The following ZNF518A variants were observed in gnomAD, a reference collection of about 807,000 sequenced individuals.
ZNF518A encodes zinc finger protein 518.
A neutral mutation model predicts 102.7 loss-of-function variants in ZNF518A; 47 were observed. The observed-to-expected ratio is 0.46, with a 90% CI of 0.36 to 0.58. The LOEUF (loss-of-function observed/expected upper bound fraction) is 0.58, where lower values mean the gene tolerates loss of function less well. ZNF518A is among the 20% of genes least tolerant of loss of function. ZNF518A has a pLI of 0.00. For missense variants in ZNF518A, 1,793 were observed against 1,699.8 expected, an observed-to-expected ratio of 1.05 and a Z score of -0.96; for synonymous variants, 652 against 594.6, an observed-to-expected ratio of 1.10 and a Z score of -1.40.
chr10:96,130,479 C>G lies in ZNF518A; in HGVS notation c.-726C>G, dbSNP rs1429656389. ...AGGAGACGGTGTGCCTCCGCGCTCC[C>G]CGCGGGGCAGCCGAACCCCGGAGGA... On this transcript the variant is annotated 5_prime_UTR_variant, in exon 1 of 6. Transcript: ENST00000316045. Among the ~76,000 whole-genome samples, 2 of 152,362 alleles carry G rather than the reference C, an allele frequency of 1.3e-5. No homozygotes were observed. Among genetic ancestry groups the G allele is most frequent in the African/African-American group, 4.8e-5 (2 of 41,590 alleles).
chr10:96,197,093 A>T (rs782018939), intron 1 of ZNF518A: 5 of 1,565,150 alleles, frequency 3.2e-6, no homozygotes, highest in South Asian at 1.1e-5. Flanking sequence ...AAACATAATT[A>T]TGGTTAGTAT....
intron 1 of ZNF518A, chr10:96,197,085 A>G (rs1591292879): frequency 6.3e-7 from 1 of 1,592,844 alleles, no homozygotes; most frequent in Non-Finnish European, 8.6e-7. Flanking sequence ...TTTTTAAAAA[A>G]CATAATTATG....
chr10:96,136,084 T>C (rs2081581782), intron 3 of ZNF518A, among the ~76,000 whole-genome samples: 1 of 152,048 alleles, frequency 6.6e-6, no homozygotes, highest in Non-Finnish European at 1.5e-5. Context: ...GAAAATAAGG[T>C]GACTGTTTTA....
rs2082965423 is a variant in ZNF518A, at chr10:96,160,732, A to G, written c.4410A>G (p.Arg1470=). Residue 1470 remains arginine, a synonymous_variant, in exon 6 of 6, where the codon AGA becomes AGG. Transcript: ENST00000316045. ...ATACTTGGGCTGGTCATGGGCAGAG[A>G]CATTTAATGGAAGCTACTCGGGATT... The part of the protein sequence containing the change: ...NQDTWAGHGQ[R]HLMEATRDWN... The G allele has an allele frequency of 1.2e-6, 2 of 1,603,096 alleles. No homozygotes were observed. Among genetic ancestry groups the G allele is most frequent in the African/African-American group, 1.3e-5 (1 of 74,268 alleles).
intron 1 of ZNF518A, among the ~76,000 whole-genome samples, chr10:96,176,464 A>C (rs1591275682): frequency 6.6e-6 from 1 of 152,336 alleles, no homozygotes; most frequent in South Asian, 2.1e-4. Flanking sequence ...CATGAAGAAA[A>C]CCATCCCAAA....
intron 1 of ZNF518A, among the ~76,000 whole-genome samples, chr10:96,201,899 T>A (rs969490240): frequency 4.6e-5 from 7 of 152,000 alleles, no homozygotes; most frequent in Non-Finnish European, 8.8e-5. Context: ...AAGTAAAAAA[T>A]ATATATATAA....
intron 3 of ZNF518A, among the ~76,000 whole-genome samples, chr10:96,145,108 C>T (rs770784734): frequency 7.0e-5 from 7 of 99,708 alleles, no homozygotes; most frequent in Non-Finnish European, 1.1e-4. Flanking sequence ...CTCGCTCTGT[C>T]GCCCAGGCTG....
chr10:96,178,055 T>C (rs1227959035), intron 1 of ZNF518A, among the ~76,000 whole-genome samples: 1 of 152,114 alleles, frequency 6.6e-6, no homozygotes, highest in African/African-American at 2.4e-5. Flanking sequence ...CTCTCAGTAA[T>C]TGATAGAACA....
At chr10:96,152,579 G>A (rs1024894498) in intron 3 of ZNF518A, among the ~76,000 whole-genome samples, 1 of 152,140 alleles carries the variant, frequency 6.6e-6, no homozygotes, top group African/African-American at 2.4e-5. Flanking sequence ...CTTGTTTAAC[G>A]ATGGGAATAC....
At position 96,159,911 on chromosome 10, in the gene ZNF518A, C is replaced by T. The variant is rs782286837; in HGVS notation, c.3589C>T (p.Leu1197=). ...PESRDALPFL[L]DDLMPANEIV... is the part of the protein sequence containing the mutation. Reference sequence around the variant, plus strand: ...ATCTAGAGATGCCTTACCCTTCTTACTAGATGACTTAATGCCAGCAAATGA... The same window carrying T: ...ATCTAGAGATGCCTTACCCTTCTTATTAGATGACTTAATGCCAGCAAATGA... Residue 1197 remains leucine, a synonymous_variant, in exon 6 of 6, where the codon CTA becomes TTA. Coordinates refer to ENST00000316045, the MANE Select transcript of ZNF518A (RefSeq NM_001330736.2). The T allele has an allele frequency of 6.8e-6, 11 of 1,613,356 alleles. No homozygotes were observed. The highest frequency in any genetic ancestry group is 2.2e-5 in the South Asian group (2 of 91,074).
chr10:96,133,023 T>C (rs587699081), intron 2 of ZNF518A: 3 of 152,318 alleles, frequency 2.0e-5, no homozygotes, highest in East Asian at 3.9e-4. Context: ...ATATAAGTTA[T>C]AGTTTTATTT....
chr10:96,158,563 A>G lies in ZNF518A; in HGVS notation c.2241A>G (p.Lys747=), dbSNP rs11188637. 0.013 allele frequency: 21,363 copies of G among 1,613,100 alleles called. 1,296 individuals are homozygous for G. The East Asian group carries it at 0.19, about 15-fold the overall frequency. The change falls in exon 6 of 6, where the codon AAA becomes AAG. Residue 747 remains lysine (K), a synonymous_variant. Coordinates refer to ENST00000316045, the MANE Select transcript of ZNF518A (RefSeq NM_001330736.2). ...AAAATTTAGAGTGTGCGACTGAAAAATCTAAATGGGAAGACTTTTCTAATG... is the reference window on the plus strand; with the variant it reads ...AAAATTTAGAGTGTGCGACTGAAAAGTCTAAATGGGAAGACTTTTCTAATG... ...ENQNLECATE[K]SKWEDFSNVD... is the part of the protein sequence containing the mutation.
At chr10:96,201,582 T>C (rs1429292999) in intron 1 of ZNF518A, among the ~76,000 whole-genome samples, 2 of 152,266 alleles carry the variant, frequency 1.3e-5, no homozygotes, top group African/African-American at 4.8e-5. Context: ...AATAGAAACA[T>C]GTAAACCAAA....
rs973004815 is a variant in ZNF518A, at chr10:96,158,861, G to A, written c.2539G>A (p.Gly847Ser). 1.2e-6 allele frequency: 2 copies of A among 1,613,678 alleles called. No individual in the cohort carries two copies. Among genetic ancestry groups the A allele is most frequent in the Non-Finnish European group, 1.7e-6 (2 of 1,179,728 alleles). Residue 847 changes from glycine (G) to serine (S), a missense_variant, in exon 6 of 6, where the codon GGT becomes AGT. Physicochemically the swap from Gly to Ser is moderately conservative, Grantham distance 56. Transcript: ENST00000316045. ...CTTCCCAGTTCCACCTGGCAGTGTG[G>A]GTATTAATGTGCCTACAAATGATTT... The part of the protein sequence containing the change: ...GIFPVPPGSV[G>S]INVPTNDLNL...
intron 3 of ZNF518A, among the ~76,000 whole-genome samples, chr10:96,145,218 C>T (rs191427307): frequency 1.3e-5 from 2 of 152,030 alleles, no homozygotes; most frequent in Non-Finnish European, 2.9e-5. Flanking sequence ...TACAGACATG[C>T]GCTACCACAC....
chr10:96,156,630 AG>A lies in ZNF518A; in HGVS notation c.309del (p.Arg104GlufsTer7). 1 of 1,613,878 alleles carries A rather than the reference AG, an allele frequency of 6.2e-7. No individual in the cohort carries two copies. The highest frequency in any genetic ancestry group is 2.2e-5 in the East Asian group (1 of 44,864). On this transcript the variant is annotated frameshift_variant, in exon 6 of 6. Coordinates refer to ENST00000316045, the MANE Select transcript of ZNF518A (RefSeq NM_001330736.2). LOFTEE classifies it high-confidence loss of function. ...VEECTLLHKS[E>X]RAEEEGVKMS... ...GAGTGTACATTGCTTCATAAGTCTGAGAGAGCTGAAGAAGAGGGTGTAAAAA... is the reference window on the plus strand; with the variant it reads ...GAGTGTACATTGCTTCATAAGTCTGAAGAGCTGAAGAAGAGGGTGTAAAAA...
chr10:96,194,458 T>C (rs1191624642), intron 1 of ZNF518A, among the ~76,000 whole-genome samples: 1 of 152,244 alleles, frequency 6.6e-6, no homozygotes, highest in East Asian at 1.9e-4. Context: ...TTTTTGGATA[T>C]GACATTAAAA....
chr10:96,159,827 T>C lies in ZNF518A; in HGVS notation c.3505T>C (p.Leu1169=), dbSNP rs369912389. 1.1e-5 allele frequency: 17 copies of C among 1,613,412 alleles called. No individual in the cohort carries two copies. Among genetic ancestry groups the C allele is most frequent in the African/African-American group, 1.3e-5 (1 of 74,894 alleles). The change falls in exon 6 of 6, where the codon TTG becomes CTG. Residue 1169 remains leucine (L), a synonymous_variant. Coordinates refer to ENST00000316045, the MANE Select transcript of ZNF518A (RefSeq NM_001330736.2). ...NLSVSNSASS[L]QKDNVPSNQI... ...GTCAGTAAGCAACTCTGCATCCTCA[T>C]TGCAAAAAGACAACGTACCATCTAA...
At chr10:96,185,088 C>T (rs587767852) in intron 1 of ZNF518A, among the ~76,000 whole-genome samples, 13 of 152,292 alleles carry the variant, frequency 8.5e-5, no homozygotes, top group Admixed American at 5.9e-4. Flanking sequence ...TTCCCTTGAT[C>T]GAATCAGCTG....
Sources: gnomAD v4.1 joint callset for allele counts (sites outside exome capture counted in the v4.1 genomes callset) on GRCh38, gnomAD v4.1.1 for gene constraint, MANE v1.5 for transcripts, NCBI Gene and HGNC (gene_info 2026-07-23, HGNC 2026-07-21) for gene names.